The following PDZRN4 variants were observed in gnomAD, a reference collection of about 807,000 sequenced individuals.
PDZRN4 encodes the protein PDZ domain-containing RING finger protein 4.
Under a neutral mutation model 99.0 loss-of-function variants are expected in PDZRN4, and 70 were observed. The observed-to-expected ratio is 0.71, with a 90% CI of 0.58 to 0.86. The LOEUF is 0.86. PDZRN4 is among the 40% of genes least tolerant of loss of function. The pLI is 0.00. For missense variants in PDZRN4, 1,474 were observed against 1,331.2 expected (o/e 1.11, Z -1.67); for synonymous variants, 551 against 501.6 (o/e 1.10, Z -1.32).
intron 3 of PDZRN4, among the ~76,000 whole-genome samples, chr12:41,336,883 G>A (rs1373374416): frequency 6.6e-6 from 1 of 151,798 alleles, no homozygotes; most frequent in Non-Finnish European, 1.5e-5. Flanking sequence ...TCCATCCAGG[G>A]CAGGGTCTGC....
chr12:41,328,011 T>A (rs1454446401), intron 3 of PDZRN4, among the ~76,000 whole-genome samples: 3 of 152,028 alleles, frequency 2.0e-5, no homozygotes, highest in Non-Finnish European at 4.4e-5. Flanking sequence ...ACTAATGAAG[T>A]CAAATATGAA....
At chr12:41,469,722 G>A (rs973069453) in intron 3 of PDZRN4, among the ~76,000 whole-genome samples, 1 of 152,202 alleles carries the variant, frequency 6.6e-6, no homozygotes, top group Non-Finnish European at 1.5e-5. Flanking sequence ...ACGAGGTCAG[G>A]AGATCGAGAC....
intron 3 of PDZRN4, among the ~76,000 whole-genome samples, chr12:41,336,285 C>T (rs1368313444): frequency 6.6e-6 from 1 of 152,076 alleles, no homozygotes; most frequent in Non-Finnish European, 1.5e-5. Context: ...GAATAATGCA[C>T]TGCTTTTGTG....
At chr12:41,371,827 GT>G (rs1306383444) in intron 3 of PDZRN4, among the ~76,000 whole-genome samples, 1 of 152,110 alleles carries the variant, frequency 6.6e-6, no homozygotes, top group Non-Finnish European at 1.5e-5. Context: ...GACCTCCTTT[GT>G]TTTATGCATG....
chr12:41,538,641 T>C (rs899620358), intron 5 of PDZRN4, among the ~76,000 whole-genome samples: 1 of 152,128 alleles, frequency 6.6e-6, no homozygotes, highest in African/African-American at 2.4e-5. Flanking sequence ...GAAAACGCAA[T>C]TGATATAATT....
At chr12:41,565,492 T>C (rs1206529166) in intron 8 of PDZRN4, among the ~76,000 whole-genome samples, 1 of 150,170 alleles carries the variant, frequency 6.7e-6, no homozygotes, top group Non-Finnish European at 1.5e-5. Context: ...ATTTTTCCAT[T>C]GAACTCAATT....
At chr12:41,316,751 T>C (rs979511273) in intron 3 of PDZRN4, among the ~76,000 whole-genome samples, 1 of 151,896 alleles carries the variant, frequency 6.6e-6, no homozygotes, top group African/African-American at 2.4e-5. Context: ...TTATTTCTTA[T>C]GGCATTCATG....
chr12:41,218,766 G>A (rs1324818531), intron 3 of PDZRN4, among the ~76,000 whole-genome samples: 1 of 152,024 alleles, frequency 6.6e-6, no homozygotes, highest in African/African-American at 2.4e-5. Context: ...ATTGCTCCTT[G>A]CACATTTTCA....
chr12:41,508,043 C>T (rs942564950), intron 4 of PDZRN4, among the ~76,000 whole-genome samples: 3 of 152,146 alleles, frequency 2.0e-5, no homozygotes, highest in Non-Finnish European at 4.4e-5. Context: ...GCTAACTTAA[C>T]ATGCTTTCAG....
intron 5 of PDZRN4, among the ~76,000 whole-genome samples, chr12:41,518,201 T>A (rs1018364465): frequency 6.6e-6 from 1 of 152,106 alleles, no homozygotes; most frequent in African/African-American, 2.4e-5. Context: ...GGTTACATAT[T>A]GCATTTACCA....
At chr12:41,341,862 A>G (rs1233084314) in intron 3 of PDZRN4, among the ~76,000 whole-genome samples, 1 of 151,970 alleles carries the variant, frequency 6.6e-6, no homozygotes. Context: ...TAAAATTCAT[A>G]TGAAAACACA....
In PDZRN4 at chr12:41,567,813, A is replaced by T; in HGVS notation, c.1498A>T (p.Asn500Tyr). The T allele has an allele frequency of 6.2e-7, 1 of 1,613,210 alleles. No homozygotes were observed. The highest frequency in any genetic ancestry group is 8.5e-7 in the Non-Finnish European group (1 of 1,179,392). The change falls in exon 9 of 10, where the codon AAT becomes TAT. Residue 500 changes from asparagine (N) to tyrosine (Y), a missense_variant. Physicochemically the swap from Asn to Tyr is moderately radical, Grantham distance 143. Transcript: ENST00000402685. ...LDEGWLEDER[N>Y]EFLEELNLEM... is the part of the protein sequence containing the mutation. ...TGAAGGCTGGCTGGAAGATGAAAGGAATGAATTCTTAGAGGAGTTAAACTT... is the reference window on the plus strand; with the variant it reads ...TGAAGGCTGGCTGGAAGATGAAAGGTATGAATTCTTAGAGGAGTTAAACTT...
intron 3 of PDZRN4, among the ~76,000 whole-genome samples, chr12:41,313,111 C>G (rs1232550248): frequency 6.6e-6 from 1 of 152,072 alleles, no homozygotes; most frequent in African/African-American, 2.4e-5. Context: ...ACCAGAAATA[C>G]AAAAATTATC....
intron 7 of PDZRN4, among the ~76,000 whole-genome samples, chr12:41,557,899 CAT>C (rs1418145349): frequency 2.0e-5 from 3 of 152,146 alleles, no homozygotes; most frequent in Non-Finnish European, 4.4e-5. Context: ...GAAGCCAAGA[CAT>C]AGTCTTGTTG....
At chr12:41,355,048 C>G (rs1951916669) in intron 3 of PDZRN4, among the ~76,000 whole-genome samples, 1 of 152,006 alleles carries the variant, frequency 6.6e-6, no homozygotes, top group South Asian at 2.1e-4. Context: ...TGTTTTGCCA[C>G]CGACTAAGTG....
chr12:41,494,638 A>G (rs1937959366), intron 3 of PDZRN4, among the ~76,000 whole-genome samples: 2 of 152,058 alleles, frequency 1.3e-5, no homozygotes, highest in Admixed American at 6.6e-5. Flanking sequence ...ATAGAACAAA[A>G]TATTTCTTTT....
chr12:41,351,380 G>A (rs1475389995), intron 3 of PDZRN4, among the ~76,000 whole-genome samples: 1 of 152,076 alleles, frequency 6.6e-6, no homozygotes, highest in Non-Finnish European at 1.5e-5. Context: ...TAGATGAAAA[G>A]GTAAGAGGAG....
intron 3 of PDZRN4, among the ~76,000 whole-genome samples, chr12:41,197,967 T>C (rs542643224): frequency 7.0e-6 from 1 of 141,984 alleles, no homozygotes; most frequent in Non-Finnish European, 1.5e-5. Flanking sequence ...TAGGCTGGAA[T>C]GCAGTGGCAT....
chr12:41,244,770 T>C (rs185733073), intron 3 of PDZRN4, among the ~76,000 whole-genome samples: 17,684 of 147,554 alleles, frequency 0.12, 1,444 homozygotes, highest in African/African-American at 0.24. Flanking sequence ...CTGCAAGCTC[T>C]GCTTCCCGGG....
Sources: allele counts gnomAD v4.1 joint callset (sites outside exome capture counted in the v4.1 genomes callset), GRCh38; gene constraint gnomAD v4.1.1; transcripts MANE v1.5; gene names NCBI Gene and HGNC (gene_info 2026-07-23, HGNC 2026-07-21).